The following CENPE variants were observed in gnomAD, a reference collection of about 807,000 sequenced individuals.
The protein encoded by CENPE is centromere protein E, also known as centromere-associated protein E.
Under a neutral mutation model 336.1 loss-of-function variants are expected in CENPE, and 145 were observed. The observed-to-expected ratio is 0.43, with a 90% CI of 0.38 to 0.50. CENPE has a LOEUF of 0.50. Among genes scored for constraint, CENPE ranks in the 20% least tolerant of loss-of-function variants. CENPE has a pLI of 0.00. For synonymous variants in CENPE, 1,013 were observed against 984.8 expected (o/e 1.03, Z -0.54); for missense variants, 2,719 against 3,023.3 (o/e 0.90, Z 2.36).
chr4:103,107,678 C>T (rs982872481), intron 48 of CENPE, among the ~76,000 whole-genome samples: 8 of 152,148 alleles, frequency 5.3e-5, no homozygotes, highest in African/African-American at 1.9e-4. Flanking sequence ...GATACCTCCC[C>T]ACTCCTTTGT....
At chr4:103,159,453 G>C in intron 21 of CENPE, 129 bp from the exon 22 acceptor site, 1 of 539,684 alleles carries the variant, frequency 1.9e-6, no homozygotes, top group East Asian at 3.2e-5. Flanking sequence ...CTGTGGAAAG[G>C]CAATATAGTA....
At chr4:103,178,430 T>A (rs1431856929) in intron 13 of CENPE, among the ~76,000 whole-genome samples, 1 of 152,150 alleles carries the variant, frequency 6.6e-6, no homozygotes, top group African/African-American at 2.4e-5. Context: ...TTAAACCTAT[T>A]TCACAAAGAA....
intron 42 of CENPE, 25 bp downstream of exon 42, chr4:103,132,668 T>G: frequency 8.1e-7 from 1 of 1,227,252 alleles, no homozygotes; most frequent in Middle Eastern, 2.8e-4. Flanking sequence ...AACAAAAAAG[T>G]AGTACAGCAA....
Position 103,198,339 on chromosome 4 carries a change from C to G in CENPE, c.-20G>C. 3 of 1,550,978 alleles carry G rather than the reference C, an allele frequency of 1.9e-6. No homozygotes were observed. The highest frequency in any genetic ancestry group is 2.6e-6 in the Non-Finnish European group (3 of 1,146,614). Reference sequence around the variant, plus strand: ...CGCCATCCTATCAGGCTGAACTGGTCCCAGGAAAATGGCCAGGACCCTCCG... The same window carrying G: ...CGCCATCCTATCAGGCTGAACTGGTGCCAGGAAAATGGCCAGGACCCTCCG... On this transcript the variant is annotated 5_prime_UTR_variant, in exon 1 of 49. Transcript: ENST00000265148.
In CENPE at chr4:103,149,147, T is replaced by C. The variant is rs1307858049; in HGVS notation, c.3658A>G (p.Arg1220Gly). The C allele has an allele frequency of 1.2e-6, 2 of 1,605,336 alleles. No individual in the cohort carries two copies. Among genetic ancestry groups the C allele is most frequent in the Non-Finnish European group, 1.7e-6 (2 of 1,178,514 alleles). ...GCTTCAATTTCTCTTATATATCCTC[T>C]AAGGTGGTCTCTCTCTGTTTCAAAT... ...KSFETERDHLRGYIREIEATG... is the reference protein window; with the variant it reads ...KSFETERDHLGGYIREIEATG... Residue 1220 changes from arginine to glycine, a missense_variant, in exon 27 of 49, where the codon AGA (arginine) becomes GGA (glycine). Around this residue, in one of 5 missense-constraint regions of CENPE, gnomAD observed 2,437 missense variants for 2,513.3 expected, o/e 0.97. Transcript: ENST00000265148.
intron 42 of CENPE, among the ~76,000 whole-genome samples, chr4:103,130,546 CATGGATAAAAAGACACG>C (rs1751497328): frequency 6.6e-6 from 1 of 152,186 alleles, no homozygotes; most frequent in African/African-American, 2.4e-5. Context: ...ATTCCATATT[CATGGATAAAAAGACACG>C]ATATTGTCAA....
rs956251098 is a variant in CENPE at position 103,116,633 on chromosome 4, C to G, written c.7386G>C (p.Met2462Ile). ...PYKEEIEDLK[M>I]KLVKIDLEKM... ...TCTCTAGGTCTATTTTCACAAGCTTCATTTTGAGATCTTCAATTTCTTCTT... is the reference window on the plus strand; with the variant it reads ...TCTCTAGGTCTATTTTCACAAGCTTGATTTTGAGATCTTCAATTTCTTCTT... Residue 2462 changes from methionine (M) to isoleucine (I), a missense_variant, in exon 45 of 49, where the codon ATG becomes ATC. Physicochemically the swap from Met to Ile is conservative, Grantham distance 10. Transcript: ENST00000265148. 6.3e-7 allele frequency: 1 copy of G among 1,595,894 alleles called. No homozygotes were observed. The highest frequency in any genetic ancestry group is 1.3e-5 in the African/African-American group (1 of 74,144).
At chr4:103,145,019 C>CAAA (rs369959588) in intron 32 of CENPE, 31 bp downstream of exon 32, 16 of 1,231,696 alleles carry the variant, frequency 1.3e-5, no homozygotes, top group South Asian at 3.7e-5. Context: ...TTTCTGTATC[C>CAAA]AAAAAAAAAA....
At chr4:103,125,973 C>T (rs937518556) in intron 42 of CENPE, among the ~76,000 whole-genome samples, 1 of 151,674 alleles carries the variant, frequency 6.6e-6, no homozygotes, top group African/African-American at 2.4e-5. Context: ...GGTCGCAGGG[C>T]AAAGGGATGC....
intron 44 of CENPE, among the ~76,000 whole-genome samples, chr4:103,117,019 G>T (rs1381031670): frequency 1.3e-5 from 2 of 151,964 alleles, no homozygotes; most frequent in African/African-American, 4.8e-5. Context: ...TGAAAAGGGT[G>T]GAAAAAGGTA....
chr4:103,194,990 A>C, intron 5 of CENPE, 124 bp downstream of exon 5: 1 of 826,856 alleles, frequency 1.2e-6, no homozygotes, highest in Non-Finnish European at 1.8e-6. Context: ...TACTTCAAAA[A>C]AACCCTCACA....
rs762998292 is a variant in CENPE at position 103,163,235 on chromosome 4, C to T, written c.1744G>A (p.Glu582Lys). 2.5e-6 allele frequency: 4 copies of T among 1,608,956 alleles called. No individual in the cohort carries two copies. The highest frequency in any genetic ancestry group is 3.4e-6 in the Non-Finnish European group (4 of 1,176,756). The change falls in exon 18 of 49, where the codon GAG (glutamate) becomes AAG (lysine). Residue 582 changes from glutamate (E) to lysine (K), a missense_variant. Transcript: ENST00000265148. ...DLENELSSKVELLREKEDQIK... is the reference protein window; with the variant it reads ...DLENELSSKVKLLREKEDQIK... ...TGGTCTTCCTTTTCTCTAAGCAGCT[C>T]TACTTTTGAACTGAGTTCATTCTAA...
Position 103,161,382 on chromosome 4 carries a change from C to G in CENPE, c.1918G>C (p.Glu640Gln), listed in dbSNP as rs1284603843. 3 of 1,612,410 alleles carry G rather than the reference C, an allele frequency of 1.9e-6. No homozygotes were observed. The South Asian group carries it at 3.3e-5, about 18-fold the overall frequency. Residue 640 changes from glutamate to glutamine, a missense_variant, in exon 19 of 49, where the codon GAA (glutamate) becomes CAA (glutamine). Physicochemically the swap from Glu to Gln is conservative, Grantham distance 29. Coordinates refer to ENST00000265148, the MANE Select transcript of CENPE (RefSeq NM_001813.3). ...TTTTCACTTCTAAGAAAGGCTGATTCTCTCTTGGCATCAAGGGCTACAGTT... is the reference window on the plus strand; with the variant it reads ...TTTTCACTTCTAAGAAAGGCTGATTGTCTCTTGGCATCAAGGGCTACAGTT... ...AETVALDAKR[E>Q]SAFLRSENLE...
intron 43 of CENPE, among the ~76,000 whole-genome samples, chr4:103,121,825 T>C (rs1372455795): frequency 6.6e-6 from 1 of 152,140 alleles, no homozygotes; most frequent in Non-Finnish European, 1.5e-5. Flanking sequence ...CCTCCCAAAG[T>C]ACTGGGATTA....
At chr4:103,170,445 G>C (rs1755307612) in intron 16 of CENPE, among the ~76,000 whole-genome samples, 1 of 152,124 alleles carries the variant, frequency 6.6e-6, no homozygotes, top group Non-Finnish European at 1.5e-5. Flanking sequence ...TGTTTGTTTA[G>C]TAATCAATGA....
intron 26 of CENPE, 37 bp from the exon 27 acceptor site, chr4:103,149,445 T>C: frequency 6.7e-7 from 1 of 1,500,522 alleles, no homozygotes; most frequent in Non-Finnish European, 8.9e-7. Flanking sequence ...CCATTTTACT[T>C]ATATTCTCAA....
At position 103,153,180 on chromosome 4, in the gene CENPE, T is replaced by C; in HGVS notation, c.3104A>G (p.Asp1035Gly). Residue 1035 changes from aspartate to glycine, a missense_variant, in exon 25 of 49, where the codon GAT (aspartate) becomes GGT (glycine). Physicochemically the swap from Asp to Gly is moderately conservative, Grantham distance 94 (BLOSUM62 -1). Around this residue, in one of 5 missense-constraint regions of CENPE, gnomAD observed 2,437 missense variants for 2,513.3 expected, o/e 0.97. Coordinates refer to ENST00000265148, the MANE Select transcript of CENPE (RefSeq NM_001813.3). ...NTQTLTADVKDNEIIEQQRKI... is the reference protein window; with the variant it reads ...NTQTLTADVKGNEIIEQQRKI... ...CCTTTGTTGCTCAATTATCTCATTA[T>C]CCTTAACATCTGCAGTTAGTGTTTG... 1 of 1,613,146 alleles carries C rather than the reference T, an allele frequency of 6.2e-7. No individual in the cohort carries two copies. The highest frequency in any genetic ancestry group is 8.5e-7 in the Non-Finnish European group (1 of 1,179,512).
chr4:103,194,701 T>C lies in CENPE; in HGVS notation c.478-17A>G. 2 of 1,570,306 alleles carry C rather than the reference T, an allele frequency of 1.3e-6. No homozygotes were observed. Among genetic ancestry groups the C allele is most frequent in the Non-Finnish European group, 1.7e-6 (2 of 1,153,618 alleles). On this transcript the variant is annotated splice_polypyrimidine_tract_variant and intron_variant, in intron 5 of 48. Coordinates refer to ENST00000265148, the MANE Select transcript of CENPE (RefSeq NM_001813.3). ...CACATTCCTCTGAAACAAGTTTAAT[T>C]ATGGAAAGATTAGAGAAATAGAAGT...
At chr4:103,189,504 C>T (rs1477224283) in intron 8 of CENPE, among the ~76,000 whole-genome samples, 3 of 152,136 alleles carry the variant, frequency 2.0e-5, no homozygotes, top group East Asian at 1.9e-4. Context: ...AATCAATAAA[C>T]GTAATCCAGC....
Sources: gnomAD v4.1 joint callset for allele counts (sites outside exome capture counted in the v4.1 genomes callset) on GRCh38, gnomAD v4.1.1 for gene constraint, gnomAD v4.1.1 regional missense constraint, MANE v1.5 for transcripts, NCBI Gene and HGNC (gene_info 2026-07-23, HGNC 2026-07-21) for gene names.